Variants in CENPW observed in about 807,000 individuals in gnomAD.
CENPW encodes cancer-up-regulated gene 2 protein.
Under a neutral mutation model 11.1 loss-of-function variants are expected in CENPW, and 3 were observed. The observed-to-expected ratio is 0.27, with a 90% confidence interval of 0.12 to 0.70. The LOEUF (loss-of-function observed/expected upper bound fraction) is 0.70. Among genes scored for constraint, CENPW ranks in the 30% least tolerant of loss-of-function variants. The probability of loss-of-function intolerance (pLI) is 0.77; values close to 1 mark genes in which losing one functional copy is unlikely to be tolerated. For synonymous variants in CENPW, 38 were observed against 42.0 expected (o/e 0.91, Z 0.37); for missense variants, 100 against 105.6 (o/e 0.95, Z 0.23).
intron 1 of CENPW, among the ~76,000 whole-genome samples, chr6:126,345,304 G>A (rs1031236070): frequency 6.6e-6 from 1 of 151,886 alleles, no homozygotes; most frequent in African/African-American, 2.4e-5. Flanking sequence ...CTGAAGATGA[G>A]TACATATGTT....
chr6:126,428,739 A>G, the CENPW span, among the ~76,000 whole-genome samples: 1 of 152,206 alleles, frequency 6.6e-6, no homozygotes, highest in Admixed American at 6.5e-5. Context: ...ACTATAAAGT[A>G]CTTTGCTCTT....
the CENPW span, among the ~76,000 whole-genome samples, chr6:126,387,845 C>T: frequency 1.3e-5 from 2 of 151,912 alleles, no homozygotes; most frequent in Non-Finnish European, 2.9e-5. Context: ...TTCCAAAGTG[C>T]CAACTGCATG....
At chr6:126,430,875 G>T in the CENPW span, among the ~76,000 whole-genome samples, 1 of 151,828 alleles carries the variant, frequency 6.6e-6, no homozygotes, top group Non-Finnish European at 1.5e-5. Flanking sequence ...AGCCGAGATG[G>T]CGCCACTGCA....
intron 1 of CENPW, 156 bp downstream of exon 1, chr6:126,340,555 C>A: frequency 2.0e-6 from 2 of 1,019,178 alleles, no homozygotes; most frequent in Non-Finnish European, 2.9e-6. Context: ...ATGCCCCACC[C>A]TGGCATGTCA....
the CENPW span, among the ~76,000 whole-genome samples, chr6:126,384,573 A>G: frequency 4.6e-5 from 7 of 152,190 alleles, no homozygotes; most frequent in African/African-American, 1.7e-4. Context: ...GGTTAGCCAT[A>G]TGCAGAAAGT....
the CENPW span, among the ~76,000 whole-genome samples, chr6:126,401,965 A>G: frequency 6.6e-6 from 1 of 152,028 alleles, no homozygotes; most frequent in Non-Finnish European, 1.5e-5. Flanking sequence ...ATCCCATGTT[A>G]ACCCTCAGTA....
chr6:126,462,249 T>C, the CENPW span, among the ~76,000 whole-genome samples: 1 of 151,926 alleles, frequency 6.6e-6, no homozygotes, highest in Non-Finnish European at 1.5e-5. Flanking sequence ...AATTAACATA[T>C]CCATCATCTC....
the CENPW span, among the ~76,000 whole-genome samples, chr6:126,453,604 A>C: frequency 6.6e-6 from 1 of 151,228 alleles, no homozygotes; most frequent in Non-Finnish European, 1.5e-5. Context: ...ACAAAAACAC[A>C]CTTAAGTACA....
chr6:126,397,176 C>T, the CENPW span, among the ~76,000 whole-genome samples: 6 of 152,094 alleles, frequency 3.9e-5, no homozygotes, highest in African/African-American at 1.4e-4. Context: ...TTATTTAGGA[C>T]TCTAGAGTAC....
At chr6:126,366,700 T>C in the CENPW span, among the ~76,000 whole-genome samples, 1 of 152,252 alleles carries the variant, frequency 6.6e-6, no homozygotes, top group African/African-American at 2.4e-5. Context: ...CTGTACTTCA[T>C]GTTACCATCT....
At chr6:126,444,156 C>G in the CENPW span, among the ~76,000 whole-genome samples, 1 of 149,304 alleles carries the variant, frequency 6.7e-6, no homozygotes, top group East Asian at 2.0e-4. Flanking sequence ...AACATGTTTC[C>G]CTGTGGTCTC....
the CENPW span, among the ~76,000 whole-genome samples, chr6:126,397,212 T>G: frequency 6.6e-6 from 1 of 152,144 alleles, no homozygotes; most frequent in African/African-American, 2.4e-5. Context: ...CAAGGCTTGC[T>G]GAAACTCAAG....
the CENPW span, among the ~76,000 whole-genome samples, chr6:126,457,984 A>G: frequency 6.6e-6 from 1 of 151,262 alleles, no homozygotes; most frequent in Non-Finnish European, 1.5e-5. Context: ...TCTAGCTCTC[A>G]CCTTCTAGAA....
At chr6:126,462,480 C>A in the CENPW span, among the ~76,000 whole-genome samples, 1 of 149,958 alleles carries the variant, frequency 6.7e-6, no homozygotes, top group South Asian at 2.1e-4. Flanking sequence ...CTTATTCCCT[C>A]ATTTCCTTCA....
the CENPW span, among the ~76,000 whole-genome samples, chr6:126,426,377 G>C: frequency 3.3e-5 from 5 of 152,064 alleles, no homozygotes; most frequent in African/African-American, 1.2e-4. Context: ...AAAGCTACTA[G>C]TGCCTCCTGA....
the CENPW span, among the ~76,000 whole-genome samples, chr6:126,424,796 AAG>A: frequency 6.6e-6 from 1 of 152,072 alleles, no homozygotes; most frequent in Non-Finnish European, 1.5e-5. Context: ...AACAAAGACT[AAG>A]AGAAGAATCA....
chr6:126,423,908 G>A, the CENPW span, among the ~76,000 whole-genome samples: 1 of 150,424 alleles, frequency 6.6e-6, no homozygotes, highest in African/African-American at 2.4e-5. Flanking sequence ...AGTTACATAT[G>A]TATACATGTG....
chr6:126,410,753 T>C, the CENPW span, among the ~76,000 whole-genome samples: 2 of 152,036 alleles, frequency 1.3e-5, no homozygotes, highest in Non-Finnish European at 2.9e-5. Context: ...ACTCTTCAGC[T>C]TAATTAAGTT....
chr6:126,456,402 C>T, the CENPW span, among the ~76,000 whole-genome samples: 23 of 151,354 alleles, frequency 1.5e-4, no homozygotes, highest in South Asian at 6.2e-4. Flanking sequence ...TGAGGACACA[C>T]GCTTACACCC....
Sources: allele counts gnomAD v4.1 joint callset (sites outside exome capture counted in the v4.1 genomes callset), GRCh38; gene constraint gnomAD v4.1.1; transcripts MANE v1.5; gene names NCBI Gene and HGNC (gene_info 2026-07-23, HGNC 2026-07-21).